Variants in MLKL observed in about 807,000 individuals in gnomAD.
The protein encoded by MLKL is mixed lineage kinase domain like pseudokinase, also known as mixed lineage kinase domain-like protein.
In MLKL, 55 loss-of-function variants were observed where a neutral mutation model predicts 56.5. That is an observed-to-expected ratio of 0.97 (90% CI 0.78 to 1.22). The LOEUF is 1.22. MLKL is among the 50% of genes most tolerant of loss of function. The probability of loss-of-function intolerance (pLI) is 0.00; values close to 1 mark genes in which losing one functional copy is unlikely to be tolerated. For synonymous variants in MLKL, 251 were observed against 208.3 expected, an observed-to-expected ratio of 1.20 and a Z score of -1.76; for missense variants, 694 against 573.9, an observed-to-expected ratio of 1.21 and a Z score of -2.14.
intron 1 of MLKL, among the ~76,000 whole-genome samples, chr16:74,696,711 A>G (rs1961064390): frequency 6.6e-6 from 1 of 151,574 alleles, no homozygotes; most frequent in Admixed American, 6.6e-5. Context: ...TAATCCCAGC[A>G]CTTTGGAAGG....
intron 7 of MLKL, chr16:74,676,209 C>A: frequency 2.0e-6 from 2 of 993,932 alleles, no homozygotes; most frequent in Non-Finnish European, 2.4e-6. Context: ...GGGGGCATCC[C>A]CTCTGTGCTA....
intron 10 of MLKL, 47 bp from the exon 11 acceptor site, chr16:74,672,585 G>C (rs769401841): frequency 2.6e-6 from 4 of 1,563,060 alleles, no homozygotes; most frequent in Admixed American, 3.4e-5. Context: ...GCAGCTGAGA[G>C]CCAAGTTAGA....
chr16:74,677,950 G>A (rs565257012), intron 7 of MLKL: 1 of 152,456 alleles, frequency 6.6e-6, no homozygotes, highest in South Asian at 2.1e-4. Context: ...TAAGTGTTGG[G>A]ATTACAGGCG....
chr16:74,683,324 G>A (rs1960108029), intron 5 of MLKL, among the ~76,000 whole-genome samples: 1 of 149,974 alleles, frequency 6.7e-6, no homozygotes, highest in South Asian at 2.1e-4. Flanking sequence ...TGCCAGGTGT[G>A]GTGACTCACG....
At chr16:74,673,209 C>T (rs942540785) in intron 10 of MLKL, among the ~76,000 whole-genome samples, 3 of 151,966 alleles carry the variant, frequency 2.0e-5, no homozygotes, top group Non-Finnish European at 4.4e-5. Flanking sequence ...CTCTTTAGTT[C>T]CTTCTTCTTT....
chr16:74,695,608 C>T lies in MLKL; in HGVS notation c.150G>A (p.Lys50=), dbSNP rs1261395731. 1.9e-6 allele frequency: 3 copies of T among 1,614,112 alleles called. No individual in the cohort carries two copies. The highest frequency in any genetic ancestry group is 1.1e-5 in the South Asian group (1 of 91,090). ...KPLEMLQDQG[K]RSVPSEKLTT... ...TTAACTTCTCAGAGGGCACGCTCCTCTTTCCTTGGTCCTGGAGCATCTCCA... is the reference window on the plus strand; with the variant it reads ...TTAACTTCTCAGAGGGCACGCTCCTTTTTCCTTGGTCCTGGAGCATCTCCA... The change falls in exon 2 of 11, where the codon AAG becomes AAA. Residue 50 remains lysine, a synonymous_variant. Transcript: ENST00000308807.
intron 1 of MLKL, among the ~76,000 whole-genome samples, chr16:74,699,006 G>A (rs1000599521): frequency 1.6e-4 from 24 of 152,044 alleles, no homozygotes; most frequent in African/African-American, 5.8e-4. Flanking sequence ...CCAGCTACTC[G>A]GGAGGCTGAG....
intron 6 of MLKL, 44 bp downstream of exon 6, chr16:74,682,607 C>T: frequency 6.2e-7 from 1 of 1,608,594 alleles, no homozygotes; most frequent in East Asian, 2.2e-5. Flanking sequence ...GGAGTGTGGA[C>T]AGACCCATCC....
intron 1 of MLKL, among the ~76,000 whole-genome samples, 167 bp downstream of exon 1, chr16:74,700,286 C>T (rs1266401973): frequency 2.0e-5 from 3 of 152,096 alleles, no homozygotes; most frequent in Non-Finnish European, 4.4e-5. Context: ...AGTGCGAGAT[C>T]CGAGCAGGCA....
intron 7 of MLKL, chr16:74,676,363 C>G: frequency 1.0e-6 from 1 of 985,496 alleles, no homozygotes; most frequent in Non-Finnish European, 1.2e-6. Context: ...CCATGCACAC[C>G]TGCCATTGAC....
rs376500500 is a variant in MLKL, at chr16:74,695,359, C to T, written c.399G>A (p.Trp133Ter). Residue 133 changes from tryptophan (W) to a stop codon, truncating the protein, a stop_gained, in exon 2 of 11, where the codon TGG (tryptophan) becomes TGA (stop). Coordinates refer to ENST00000308807, the MANE Select transcript of MLKL (RefSeq NM_152649.4). LOFTEE classifies it high-confidence loss of function. ...CTGCATCCTGCTGATCTTCCTGTGC[C>T]CAGGACGCTCCTTGGCTTATGGGTG... ...PVSPISQGAS[W>*]AQEDQQDADE... 8.2e-5 allele frequency: 133 copies of T among 1,614,044 alleles called. No individual in the cohort carries two copies. Among genetic ancestry groups the T allele is most frequent in the Non-Finnish European group, 1.1e-4 (129 of 1,180,046 alleles).
At chr16:74,690,238 A>C (rs981146267) in intron 4 of MLKL, among the ~76,000 whole-genome samples, 2 of 152,254 alleles carry the variant, frequency 1.3e-5, no homozygotes, top group African/African-American at 2.4e-5. Flanking sequence ...TTATAACTAT[A>C]AAGATGAAAG....
In MLKL at chr16:74,695,493, G is replaced by C; in HGVS notation, c.265C>G (p.Leu89Val). ...AGTATTTTGTCCTGGCTTGCTGTTA[G>C]AAACCTGCAGATATTGGATCTATTG... ...FSNRSNICRFLTASQDKILFK... is the reference protein window; with the variant it reads ...FSNRSNICRFVTASQDKILFK... Residue 89 changes from leucine to valine, a missense_variant, in exon 2 of 11, where the codon CTA (leucine) becomes GTA (valine). Coordinates refer to ENST00000308807, the MANE Select transcript of MLKL (RefSeq NM_152649.4). 1 of 1,614,180 alleles carries C rather than the reference G, an allele frequency of 6.2e-7. No homozygotes were observed. Among genetic ancestry groups the C allele is most frequent in the Admixed American group, 1.7e-5 (1 of 60,026 alleles).
chr16:74,682,555 T>A (rs1180628473), intron 6 of MLKL, 96 bp downstream of exon 6: 6 of 1,501,736 alleles, frequency 4.0e-6, no homozygotes, highest in Non-Finnish European at 5.4e-6. Context: ...GGAGACTGTC[T>A]GGGGCGTCTG....
chr16:74,678,815 C>G (rs1959764169), intron 7 of MLKL, 84 bp downstream of exon 7: 4 of 954,260 alleles, frequency 4.2e-6, no homozygotes, highest in Admixed American at 1.9e-5. Flanking sequence ...AGACAAGAAT[C>G]AAGCCTTTCT....
intron 5 of MLKL, 71 bp downstream of exon 5, chr16:74,685,415 C>A: frequency 5.4e-6 from 6 of 1,104,278 alleles, no homozygotes; most frequent in Non-Finnish European, 6.8e-6. Flanking sequence ...TAAAAAAATG[C>A]AACACATTAA....
At chr16:74,683,016 T>A (rs964288018) in intron 5 of MLKL, among the ~76,000 whole-genome samples, 1 of 149,416 alleles carries the variant, frequency 6.7e-6, no homozygotes, top group African/African-American at 2.5e-5. Flanking sequence ...AATTCTACCT[T>A]AAAAAAAAAA....
rs28398809 is a variant in MLKL, at chr16:74,682,075, A to G, written c.956+576T>C. 7.1e-3 allele frequency among the ~76,000 whole-genome samples: 1,061 copies of G among 149,220 alleles called. 10 individuals carry two copies. Among genetic ancestry groups the G allele is most frequent in the African/African-American group, 0.024 (996 of 41,072 alleles). On this transcript the variant is annotated intron_variant, in intron 6 of 10. Coordinates refer to ENST00000308807, the MANE Select transcript of MLKL (RefSeq NM_152649.4). ...AGCCTAGGCAGCATGGCAAAACCTT[A>G]TCTCTACAAAAAATATATATAAAAA...
Position 74,693,466 on chromosome 16 carries a change from AAAG to A in MLKL, c.461-1053_461-1051del, listed in dbSNP as rs1287377938. Among the ~76,000 whole-genome samples the A allele has an allele frequency of 1.2e-4, 12 of 96,382 alleles. 1 individual carries two copies. The East Asian group carries it at 2.5e-3, about 20-fold the overall frequency. The allele number at this position is 96,382 out of a possible 152,430, so 63.2% of individuals were successfully genotyped here. On this transcript the variant is annotated intron_variant, in intron 2 of 10. Coordinates refer to ENST00000308807, the MANE Select transcript of MLKL (RefSeq NM_152649.4). ...AAGACTCTGTCTCAAAAAAAAAAAA[AAAG>A]AAAAGAAAAAAGAAAGAAAGAAAGA...
Sources: gnomAD v4.1 joint callset for allele counts (sites outside exome capture counted in the v4.1 genomes callset) on GRCh38, gnomAD v4.1.1 for gene constraint, MANE v1.5 for transcripts, NCBI Gene and HGNC (gene_info 2026-07-23, HGNC 2026-07-21) for gene names.